Variants in SGK3 observed in about 807,000 individuals in gnomAD.
SGK3 encodes the protein serine/threonine-protein kinase Sgk3.
Under a neutral mutation model 68.5 loss-of-function variants are expected in SGK3, and 47 were observed. The observed-to-expected ratio is 0.69, with a 90% CI of 0.54 to 0.87. SGK3 has a LOEUF of 0.87. SGK3 is among the 40% of genes least tolerant of loss of function. SGK3 has a pLI of 0.00. For missense variants in SGK3, 479 were observed against 575.5 expected, an observed-to-expected ratio of 0.83 and a Z score of 1.72; for synonymous variants, 181 against 189.1, an observed-to-expected ratio of 0.96 and a Z score of 0.35.
intron 1 of SGK3, among the ~76,000 whole-genome samples, chr8:66,787,829 A>T (rs1442824224): frequency 6.6e-6 from 1 of 152,160 alleles, no homozygotes; most frequent in Non-Finnish European, 1.5e-5. Flanking sequence ...ATAATTTTCC[A>T]ATCTTGTTCT....
At chr8:66,820,610 A>C (rs1808771495) in intron 5 of SGK3, among the ~76,000 whole-genome samples, 2 of 152,182 alleles carry the variant, frequency 1.3e-5, no homozygotes, top group African/African-American at 2.4e-5. Context: ...TCTGTGTTTA[A>C]CTTTTCAAGG....
intron 6 of SGK3, among the ~76,000 whole-genome samples, chr8:66,824,144 A>G (rs1160366101): frequency 6.6e-6 from 1 of 152,158 alleles, no homozygotes; most frequent in Non-Finnish European, 1.5e-5. Context: ...TAAGAGAACA[A>G]ATGTTACTTT....
chr8:66,792,485 A>C (rs1164665494), intron 1 of SGK3, among the ~76,000 whole-genome samples: 1 of 152,174 alleles, frequency 6.6e-6, no homozygotes, highest in Admixed American at 6.5e-5. Flanking sequence ...ATTTTAAATC[A>C]TTACCTGAAT....
chr8:66,766,599 A>T (rs966374931), intron 1 of SGK3, among the ~76,000 whole-genome samples: 3 of 151,982 alleles, frequency 2.0e-5, no homozygotes, highest in Non-Finnish European at 4.4e-5. Flanking sequence ...ATACTTGCTG[A>T]TTTTCTCTCT....
At chr8:66,858,499 A>C (rs1282591410) in intron 16 of SGK3, among the ~76,000 whole-genome samples, 1 of 151,848 alleles carries the variant, frequency 6.6e-6, no homozygotes, top group Non-Finnish European at 1.5e-5. Context: ...TGCTATCCTG[A>C]AAACCTACCT....
At chr8:66,849,647 G>C (rs777956592) in intron 15 of SGK3, among the ~76,000 whole-genome samples, 1 of 148,328 alleles carries the variant, frequency 6.7e-6, no homozygotes, top group Non-Finnish European at 1.5e-5. Context: ...CGATGCTGGA[G>C]TGCAGTGGTG....
At chr8:66,819,358 C>T (rs183902441) in intron 5 of SGK3, among the ~76,000 whole-genome samples, 144 of 152,152 alleles carry the variant, frequency 9.5e-4, no homozygotes, top group African/African-American at 3.1e-3. Flanking sequence ...ATAATTCAGA[C>T]GAGTAATTTT....
chr8:66,723,855 A>C (rs1804896728), intron 1 of SGK3, among the ~76,000 whole-genome samples: 1 of 152,124 alleles, frequency 6.6e-6, no homozygotes, highest in Admixed American at 6.6e-5. Flanking sequence ...CTCATTTCTA[A>C]TTGATCTCTT....
intron 10 of SGK3, 92 bp downstream of exon 10, chr8:66,836,166 A>G: frequency 6.8e-7 from 1 of 1,477,116 alleles, no homozygotes; most frequent in Non-Finnish European, 9.1e-7. Context: ...GGACAGTATA[A>G]AATCAGTAGC....
chr8:66,809,900 T>C (rs1158743152), intron 4 of SGK3, among the ~76,000 whole-genome samples: 2 of 152,196 alleles, frequency 1.3e-5, no homozygotes, highest in Non-Finnish European at 2.9e-5. Flanking sequence ...GGGCCTCTTC[T>C]TAAGGGGCTT....
intron 5 of SGK3, among the ~76,000 whole-genome samples, chr8:66,820,699 C>T (rs1007072313): frequency 6.6e-6 from 1 of 151,426 alleles, no homozygotes; most frequent in African/African-American, 2.4e-5. Context: ...TTATTTTTTT[C>T]CTATTTTGTT....
chr8:66,765,686 T>C (rs1465755215), intron 1 of SGK3, among the ~76,000 whole-genome samples: 1 of 152,014 alleles, frequency 6.6e-6, no homozygotes, highest in African/African-American at 2.4e-5. Flanking sequence ...TTCAATTTCT[T>C]CTTTGACCCA....
At chr8:66,765,178 A>C (rs951021360) in intron 1 of SGK3, among the ~76,000 whole-genome samples, 8 of 152,220 alleles carry the variant, frequency 5.3e-5, no homozygotes, top group Non-Finnish European at 1.0e-4. Context: ...CATTTTCACC[A>C]CCAATGTACA....
At chr8:66,778,603 GT>G (rs1806822365) in intron 1 of SGK3, among the ~76,000 whole-genome samples, 2 of 152,150 alleles carry the variant, frequency 1.3e-5, no homozygotes, top group Admixed American at 1.3e-4. Flanking sequence ...CCACTTAACT[GT>G]TTTTTAAACA....
chr8:66,732,771 G>A (rs765092147), intron 1 of SGK3, among the ~76,000 whole-genome samples: 2 of 152,084 alleles, frequency 1.3e-5, no homozygotes, highest in Non-Finnish European at 1.5e-5. Flanking sequence ...CTTGAACCTG[G>A]GAGGCGGAGG....
At chr8:66,758,569 GT>G (rs1806058210) in intron 1 of SGK3, among the ~76,000 whole-genome samples, 1 of 151,870 alleles carries the variant, frequency 6.6e-6, no homozygotes, top group Admixed American at 6.6e-5. Flanking sequence ...TATAAATCAG[GT>G]CTTACAGAGA....
At chr8:66,724,993 G>A (rs1291914376) in intron 1 of SGK3, among the ~76,000 whole-genome samples, 3 of 152,082 alleles carry the variant, frequency 2.0e-5, no homozygotes, top group Admixed American at 6.6e-5. Context: ...TTGGGAGGCC[G>A]AGGCGGGCGG....
intron 3 of SGK3, among the ~76,000 whole-genome samples, chr8:66,800,305 C>CA (rs1406213828): frequency 1.3e-5 from 2 of 148,968 alleles, no homozygotes; most frequent in East Asian, 3.9e-4. Context: ...TGTGCCACTG[C>CA]ACTCCAGCCT....
chr8:66,726,639 A>G (rs117053139), intron 1 of SGK3, among the ~76,000 whole-genome samples: 39 of 152,120 alleles, frequency 2.6e-4, no homozygotes, highest in Non-Finnish European at 4.4e-4. Context: ...GAAAAAGACT[A>G]AATATTTTAC....
Sources: gnomAD v4.1 joint callset for allele counts (sites outside exome capture counted in the v4.1 genomes callset) on GRCh38, gnomAD v4.1.1 for gene constraint, MANE v1.5 for transcripts, NCBI Gene and HGNC (gene_info 2026-07-23, HGNC 2026-07-21) for gene names.